The following CPLX1 variants were observed in gnomAD, a reference collection of about 807,000 sequenced individuals.
CPLX1 encodes the protein complexin 1, also known as complexin-1.
CPLX1 carries 6 observed loss-of-function variants against 15.6 expected under a neutral mutation model. The observed-to-expected ratio is 0.39, with a 90% CI of 0.21 to 0.76. CPLX1 has a LOEUF of 0.76. Among genes scored for constraint, CPLX1 ranks in the 30% least tolerant of loss-of-function variants. The pLI is 0.43. For missense variants in CPLX1, 242 were observed against 188.6 expected, an observed-to-expected ratio of 1.28 and a Z score of -1.66; for synonymous variants, 91 against 75.2, an observed-to-expected ratio of 1.21 and a Z score of -1.08.
rs1268346538 is a variant in CPLX1 at position 824,528 on chromosome 4, T to C, written c.-6A>G. 6.2e-7 allele frequency: 1 copy of C among 1,612,820 alleles called. No individual in the cohort carries two copies. The highest frequency in any genetic ancestry group is 1.7e-4 in the Middle Eastern group (1 of 6,060). On this transcript the variant is annotated 5_prime_UTR_variant, in exon 2 of 4. Transcript: ENST00000304062. ...TGCTTCATCACAAACTCCATGGCGATTGCTCTGCTTCCACAGTGGCTCCTC... is the reference window on the plus strand; with the variant it reads ...TGCTTCATCACAAACTCCATGGCGACTGCTCTGCTTCCACAGTGGCTCCTC...
rs1312176778 is a variant in CPLX1, at chr4:786,172, A to T, written c.*329T>A. 5.3e-6 allele frequency: 1 copy of T among 190,204 alleles called. No individual in the cohort carries two copies. The highest frequency in any genetic ancestry group is 1.3e-4 in the East Asian group (1 of 7,776). 11.8% of individuals were successfully genotyped at this position (190,204 alleles called of 1,614,324 possible). On this transcript the variant is annotated 3_prime_UTR_variant, in exon 4 of 4. Coordinates refer to ENST00000304062, the MANE Select transcript of CPLX1 (RefSeq NM_006651.4). ...GCCCGACAGGCGCCCACCGCCGCGA[A>T]CGCGCGCACAGGGGTGGTCGCGGGG...
chr4:812,366 C>T (rs890741200), intron 2 of CPLX1, among the ~76,000 whole-genome samples: 10 of 152,158 alleles, frequency 6.6e-5, no homozygotes, highest in African/African-American at 1.9e-4. Context: ...CAGGAGCCAC[C>T]GCACCCAGCA....
intron 3 of CPLX1, among the ~76,000 whole-genome samples, chr4:791,193 G>A (rs1056509734): frequency 7.3e-5 from 11 of 150,596 alleles, no homozygotes; most frequent in Admixed American, 2.0e-4. Flanking sequence ...GGCGGGGAGC[G>A]GGGGGCGGAG....
rs1429670079 is a variant in CPLX1, at chr4:786,375, G to C, written c.*126C>G. On this transcript the variant is annotated 3_prime_UTR_variant, in exon 4 of 4. Transcript: ENST00000304062. ...GTGAGGGAGGCGGCGGGCGCGGGCA[G>C]GGCGGGCCTGGGGCTATGGCTTATA... The C allele has an allele frequency of 1.8e-6, 2 of 1,092,284 alleles. No homozygotes were observed. The highest frequency in any genetic ancestry group is 3.1e-5 in the East Asian group (1 of 31,978). 67.7% of individuals were successfully genotyped at this position (1,092,284 alleles called of 1,614,324 possible).
chr4:804,849 A>G lies in CPLX1; in HGVS notation c.32-12241T>C, dbSNP rs928177942. 3 of 978,458 alleles carry G rather than the reference A, an allele frequency of 3.1e-6. No individual in the cohort carries two copies. In the African/African-American group the frequency reaches 5.3e-5, roughly 17 times the overall value. The allele number at this position is 978,458 out of a possible 1,614,324, so 60.6% of individuals were successfully genotyped here. A position where few individuals can be genotyped will look rare whatever the true frequency, so the allele number is the denominator to read the frequency against. On this transcript the variant is annotated intron_variant, in intron 2 of 3. Transcript: ENST00000304062. The stretch of plus-strand genomic sequence containing the variant: ...GGCAAGCGTGGGGAGCGACGTGCTC[A>G]GCCTCCACGGGAAAGGTGGGCGGCG...
In CPLX1 at chr4:817,707, CCGCCCCCTTCCCTCA is replaced by C. The variant is rs546325445; in HGVS notation, c.31+6770_31+6784del. 4.7e-3 allele frequency among the ~76,000 whole-genome samples: 722 copies of C among 152,262 alleles called. 5 individuals carry two copies. Among genetic ancestry groups the C allele is most frequent in the African/African-American group, 0.016 (681 of 41,558 alleles). On this transcript the variant is annotated intron_variant, in intron 2 of 3. Transcript: ENST00000304062. Reference sequence around the variant, plus strand: ...CCCTACCCACTGATGACTGCAGTGACCGCCCCCTTCCCTCACGCCCCCTTGGCCATGAGGATTTCC... The same window carrying C: ...CCCTACCCACTGATGACTGCAGTGACCGCCCCCTTGGCCATGAGGATTTCC...
chr4:802,920 C>T (rs1239469199), intron 2 of CPLX1, among the ~76,000 whole-genome samples: 1 of 149,830 alleles, frequency 6.7e-6, no homozygotes, highest in Non-Finnish European at 1.5e-5. Flanking sequence ...CACTGTACTC[C>T]AGCCTGAGCA....
intron 3 of CPLX1, chr4:788,242 C>T: frequency 1.8e-5 from 18 of 985,232 alleles, no homozygotes; most frequent in Non-Finnish European, 2.0e-5. Flanking sequence ...CCCCTCCTTC[C>T]TCCCAAATGG....
At chr4:794,833 G>T (rs1746286112) in intron 2 of CPLX1, among the ~76,000 whole-genome samples, 1 of 152,178 alleles carries the variant, frequency 6.6e-6, no homozygotes, top group Non-Finnish European at 1.5e-5. Flanking sequence ...CAGCTCAGTG[G>T]GCTGCCCCTT....
At chr4:799,994 A>G (rs1161387200) in intron 2 of CPLX1, among the ~76,000 whole-genome samples, 2 of 152,196 alleles carry the variant, frequency 1.3e-5, no homozygotes, top group South Asian at 2.1e-4. Context: ...TCGTTCAGAC[A>G]TTCTAGGGTC....
intron 2 of CPLX1, among the ~76,000 whole-genome samples, chr4:810,326 G>A (rs1161376663): frequency 2.6e-5 from 4 of 152,230 alleles, no homozygotes; most frequent in Non-Finnish European, 4.4e-5. Flanking sequence ...TGGGATTACA[G>A]GCGTGAGCCA....
intron 3 of CPLX1, among the ~76,000 whole-genome samples, chr4:792,172 G>A (rs1055115115): frequency 9.9e-5 from 15 of 152,234 alleles, no homozygotes; most frequent in African/African-American, 3.6e-4. Context: ...CTCCACGCAG[G>A]GCTGCGCATC....
chr4:819,864 G>C (rs186101327), intron 2 of CPLX1, among the ~76,000 whole-genome samples: 1 of 152,340 alleles, frequency 6.6e-6, no homozygotes, highest in African/African-American at 2.4e-5. Context: ...GCCACTTTGA[G>C]ATTGTGAGGA....
intron 2 of CPLX1, among the ~76,000 whole-genome samples, chr4:795,790 CGGGTGGAGA>C (rs1746317900): frequency 8.8e-6 from 1 of 113,238 alleles, no homozygotes; most frequent in African/African-American, 4.2e-5. Flanking sequence ...CGCCCCAAAC[CGGGTGGAGA>C]GGGGGTGGGG....
chr4:791,234 A>G (rs1048842576), intron 3 of CPLX1, among the ~76,000 whole-genome samples: 1 of 151,484 alleles, frequency 6.6e-6, no homozygotes, highest in Admixed American at 6.6e-5. Context: ...CCAGCACAGC[A>G]AAGTCGATCA....
chr4:816,777 G>A (rs1746764678), intron 2 of CPLX1, among the ~76,000 whole-genome samples: 1 of 152,220 alleles, frequency 6.6e-6, no homozygotes, highest in South Asian at 2.1e-4. Context: ...AGCTGTGATC[G>A]CTCCACTGCA....
At chr4:819,417 A>T (rs112906841) in intron 2 of CPLX1, among the ~76,000 whole-genome samples, 1 of 152,248 alleles carries the variant, frequency 6.6e-6, no homozygotes, top group East Asian at 1.9e-4. Context: ...GATAAGAGGC[A>T]TCTCTGCCGA....
At chr4:815,261 A>G (rs952707522) in intron 2 of CPLX1, among the ~76,000 whole-genome samples, 1 of 152,048 alleles carries the variant, frequency 6.6e-6, no homozygotes, top group African/African-American at 2.4e-5. Flanking sequence ...AAATACAAAA[A>G]TTAGCCAGTC....
At chr4:795,375 C>T (rs1746302026) in intron 2 of CPLX1, among the ~76,000 whole-genome samples, 2 of 152,172 alleles carry the variant, frequency 1.3e-5, no homozygotes, top group Non-Finnish European at 2.9e-5. Flanking sequence ...CCCGCCGGAC[C>T]CTGGAAGCAT....
Sources: allele counts gnomAD v4.1 joint callset (sites outside exome capture counted in the v4.1 genomes callset), GRCh38; gene constraint gnomAD v4.1.1; transcripts MANE v1.5; gene names NCBI Gene and HGNC (gene_info 2026-07-23, HGNC 2026-07-21).